The following MDFIC2 variants were observed in gnomAD, a reference collection of about 807,000 sequenced individuals.
MDFIC2 encodes the protein MyoD family inhibitor domain containing 2.
rs1313724895 is a variant in MDFIC2 at position 70,290,766 on chromosome 3, G to A, written c.88+21120C>T. Reference sequence around the variant, plus strand: ...GGTGCAGGTTATAATCTCGTGGTGCGCCGTTTTTTAAGCTTGTCGGAAAAG... The same window carrying A: ...GGTGCAGGTTATAATCTCGTGGTGCACCGTTTTTTAAGCTTGTCGGAAAAG... On this transcript the variant is annotated intron_variant, in intron 2 of 3. Transcript: ENST00000567252. Among the ~76,000 whole-genome samples, 7 of 152,268 alleles carry A rather than the reference G, an allele frequency of 4.6e-5. 1 individual carries two copies. Among genetic ancestry groups the A allele is most frequent in the Middle Eastern group, 6.8e-3 (2 of 294 alleles).
intron 2 of MDFIC2, among the ~76,000 whole-genome samples, chr3:70,267,910 A>G (rs1701935454): frequency 6.6e-6 from 1 of 151,700 alleles, no homozygotes; most frequent in Non-Finnish European, 1.5e-5. Context: ...CCAAGGTCCC[A>G]GTTTCCTTTC....
rs1288606331 is a variant in MDFIC2, at chr3:70,228,313, C to T, written c.89-21523G>A. ...GTTTCACTAGAATGGAAAATATTAA[C>T]CAAAAAATCTTTTCTTTAATCAAAG... On this transcript the variant is annotated intron_variant, in intron 2 of 3. Transcript: ENST00000567252. 2.0e-5 allele frequency among the ~76,000 whole-genome samples: 3 copies of T among 151,724 alleles called. No homozygotes were observed. The East Asian group carries it at 5.8e-4, about 29-fold the overall frequency.
intron 2 of MDFIC2, among the ~76,000 whole-genome samples, chr3:70,275,005 C>T (rs548502759): frequency 1.3e-5 from 2 of 151,994 alleles, no homozygotes; most frequent in African/African-American, 4.8e-5. Context: ...ATTCTCAGAA[C>T]CTTGTTTCTC....
At chr3:70,256,927 T>C (rs1184125298) in intron 2 of MDFIC2, among the ~76,000 whole-genome samples, 1 of 152,104 alleles carries the variant, frequency 6.6e-6, no homozygotes, top group Non-Finnish European at 1.5e-5. Flanking sequence ...CCCTGGGAAA[T>C]GGATTATAAT....
intron 2 of MDFIC2, among the ~76,000 whole-genome samples, chr3:70,298,847 CTGT>C (rs934195743): frequency 6.6e-6 from 1 of 152,124 alleles, no homozygotes; most frequent in African/African-American, 2.4e-5. Flanking sequence ...GGACCTGGTC[CTGT>C]TGTTTACTAC....
chr3:70,200,605 C>T (rs1701227701), intron 3 of MDFIC2, among the ~76,000 whole-genome samples: 1 of 152,174 alleles, frequency 6.6e-6, no homozygotes, highest in Non-Finnish European at 1.5e-5. Flanking sequence ...TCACAGCAAT[C>T]TGTTTTATTT....
intron 2 of MDFIC2, among the ~76,000 whole-genome samples, chr3:70,260,522 C>G (rs1701856090): frequency 1.3e-5 from 2 of 151,986 alleles, no homozygotes; most frequent in African/African-American, 4.8e-5. Context: ...TGTGTTAAGT[C>G]AAGGGCTAGG....
At chr3:70,207,091 C>A (rs922359073) in intron 2 of MDFIC2, among the ~76,000 whole-genome samples, 21 of 147,592 alleles carry the variant, frequency 1.4e-4, no homozygotes, top group African/African-American at 5.2e-4. Flanking sequence ...TCACTTGGAT[C>A]AACAAAATCT....
chr3:70,270,652 C>G (rs1414444461), intron 2 of MDFIC2, among the ~76,000 whole-genome samples: 1 of 152,084 alleles, frequency 6.6e-6, no homozygotes, highest in Non-Finnish European at 1.5e-5. Context: ...TGGGATGGAT[C>G]TTTAATATAT....
At chr3:70,292,741 A>G (rs1275058231) in intron 2 of MDFIC2, among the ~76,000 whole-genome samples, 2 of 151,986 alleles carry the variant, frequency 1.3e-5, no homozygotes, top group Non-Finnish European at 2.9e-5. Flanking sequence ...ACACACACAC[A>G]TGCACACACA....
At chr3:70,288,286 A>G (rs1177444076) in intron 2 of MDFIC2, among the ~76,000 whole-genome samples, 1 of 114,108 alleles carries the variant, frequency 8.8e-6, no homozygotes, top group East Asian at 2.6e-4. Flanking sequence ...TTCAAAGAAC[A>G]TCTTTATTTC....
At chr3:70,286,430 G>C (rs540165070) in intron 2 of MDFIC2, among the ~76,000 whole-genome samples, 15 of 150,456 alleles carry the variant, frequency 1.0e-4, no homozygotes, top group Admixed American at 2.6e-4. Context: ...CTCTGTTTTG[G>C]TACCAGTACC....
intron 2 of MDFIC2, among the ~76,000 whole-genome samples, chr3:70,217,238 T>C (rs1366475974): frequency 6.6e-6 from 1 of 152,144 alleles, no homozygotes; most frequent in East Asian, 1.9e-4. Context: ...TCTTACATGG[T>C]GAATCATAAG....
At chr3:70,232,996 C>T (rs2106746133) in intron 2 of MDFIC2, among the ~76,000 whole-genome samples, 1 of 152,260 alleles carries the variant, frequency 6.6e-6, no homozygotes, top group East Asian at 1.9e-4. Context: ...CAAGACCAGC[C>T]TGGTTATCAT....
At chr3:70,284,729 A>G (rs1468678722) in intron 2 of MDFIC2, among the ~76,000 whole-genome samples, 1 of 152,126 alleles carries the variant, frequency 6.6e-6, no homozygotes, top group African/African-American at 2.4e-5. Context: ...GAAACAACAC[A>G]CACTGGGGCC....
At chr3:70,287,661 GA>G (rs1702180350) in intron 2 of MDFIC2, among the ~76,000 whole-genome samples, 1 of 152,072 alleles carries the variant, frequency 6.6e-6, no homozygotes, top group Non-Finnish European at 1.5e-5. Flanking sequence ...ACCTCTGGTA[GA>G]ATTTGGCTGT....
chr3:70,279,766 CT>C (rs930853161), intron 2 of MDFIC2, among the ~76,000 whole-genome samples: 3 of 152,296 alleles, frequency 2.0e-5, no homozygotes, highest in African/African-American at 7.2e-5. Flanking sequence ...TGCCATCCCT[CT>C]TTTCCTTCCA....
chr3:70,268,304 G>T (rs929721435), intron 2 of MDFIC2, among the ~76,000 whole-genome samples: 8 of 151,934 alleles, frequency 5.3e-5, no homozygotes, highest in South Asian at 4.2e-4. Context: ...AACACCCACC[G>T]TCTGTACTAA....
chr3:70,225,433 A>G (rs1276636478), intron 2 of MDFIC2, among the ~76,000 whole-genome samples: 1 of 152,166 alleles, frequency 6.6e-6, no homozygotes, highest in African/African-American at 2.4e-5. Flanking sequence ...ATCTTTTTTT[A>G]TAGTGTTCTT....
Sources: allele counts gnomAD v4.1 joint callset (sites outside exome capture counted in the v4.1 genomes callset), GRCh38; gene constraint gnomAD v4.1.1; transcripts MANE v1.5; gene names NCBI Gene and HGNC (gene_info 2026-07-23, HGNC 2026-07-21).